The following NRG3 variants were observed in gnomAD, a reference collection of about 807,000 sequenced individuals.
The protein encoded by NRG3 is neuregulin 3.
In NRG3, 31 loss-of-function variants were observed where a neutral mutation model predicts 66.9. The ratio of observed to expected loss-of-function variants is 0.46; its 90% confidence interval spans 0.35 to 0.63. NRG3 has a LOEUF of 0.63. Ranked by LOEUF, NRG3 falls within the 20% of genes least tolerant of loss-of-function variation. The pLI is 0.00. For synonymous variants in NRG3, 393 were observed against 359.4 expected (o/e 1.09, Z -1.06); for missense variants, 910 against 878.9 (o/e 1.04, Z -0.45).
chr10:82,429,992 A>G (rs1273603307), intron 2 of NRG3, among the ~76,000 whole-genome samples: 1 of 152,112 alleles, frequency 6.6e-6, no homozygotes, highest in Non-Finnish European at 1.5e-5. Flanking sequence ...TGTTGTTACC[A>G]TGTCATTCTG....
chr10:82,689,879 A>AT (rs1337660652), intron 2 of NRG3, among the ~76,000 whole-genome samples: 2 of 152,144 alleles, frequency 1.3e-5, no homozygotes, highest in African/African-American at 4.8e-5. Context: ...TTTATTTAGT[A>AT]TTTTTTTCAT....
intron 2 of NRG3, among the ~76,000 whole-genome samples, chr10:82,523,932 C>G (rs1026654400): frequency 3.9e-5 from 6 of 151,960 alleles, no homozygotes; most frequent in Admixed American, 6.6e-5. Flanking sequence ...TCTGTTGAAC[C>G]CTTTTCATCA....
intron 2 of NRG3, among the ~76,000 whole-genome samples, chr10:82,427,553 A>G (rs865887096): frequency 5.3e-5 from 8 of 152,248 alleles, no homozygotes; most frequent in South Asian, 4.1e-4. Context: ...ATGTTGTACA[A>G]TCCTAGTTAT....
chr10:82,520,895 C>A (rs1326332909), intron 2 of NRG3, among the ~76,000 whole-genome samples: 2 of 152,146 alleles, frequency 1.3e-5, no homozygotes, highest in African/African-American at 4.8e-5. Flanking sequence ...CATTCTAATT[C>A]TCTGTCTAAA....
chr10:82,242,709 T>TG (rs989458160), intron 1 of NRG3, among the ~76,000 whole-genome samples: 1 of 151,910 alleles, frequency 6.6e-6, no homozygotes, highest in Non-Finnish European at 1.5e-5. Flanking sequence ...AGAGAGAGGG[T>TG]GGGGGTGTGA....
chr10:82,921,246 T>C (rs906174107), intron 4 of NRG3, among the ~76,000 whole-genome samples: 7 of 152,190 alleles, frequency 4.6e-5, no homozygotes, highest in African/African-American at 1.7e-4. Flanking sequence ...CAAGTCCCGA[T>C]TGAGGAACAT....
chr10:82,905,790 G>T (rs1844679211), intron 4 of NRG3, among the ~76,000 whole-genome samples: 1 of 151,948 alleles, frequency 6.6e-6, no homozygotes, highest in Non-Finnish European at 1.5e-5. Flanking sequence ...GGGCAGCTTT[G>T]TCTGAAACTT....
At chr10:82,221,011 G>T (rs960790919) in intron 1 of NRG3, among the ~76,000 whole-genome samples, 2 of 152,032 alleles carry the variant, frequency 1.3e-5, no homozygotes, top group Non-Finnish European at 1.5e-5. Context: ...CAGTTGTTCA[G>T]GATCATTAGG....
intron 3 of NRG3, among the ~76,000 whole-genome samples, chr10:82,826,447 G>C (rs1032263278): frequency 6.6e-6 from 1 of 152,306 alleles, no homozygotes. Flanking sequence ...GGAATAAAAG[G>C]CATGTAGCTT....
At chr10:82,044,835 C>G (rs541398123) in intron 1 of NRG3, among the ~76,000 whole-genome samples, 6 of 151,910 alleles carry the variant, frequency 3.9e-5, no homozygotes, top group Admixed American at 2.0e-4. Flanking sequence ...TTTGTCCTTG[C>G]GATAGTTTAC....
intron 2 of NRG3, among the ~76,000 whole-genome samples, chr10:82,605,642 G>T (rs981021904): frequency 2.6e-5 from 4 of 151,902 alleles, no homozygotes; most frequent in African/African-American, 9.7e-5. Context: ...ATATTATAGA[G>T]AATTTATGAG....
chr10:82,166,423 C>G (rs1475859218), intron 1 of NRG3, among the ~76,000 whole-genome samples: 2 of 152,076 alleles, frequency 1.3e-5, no homozygotes, highest in African/African-American at 4.8e-5. Flanking sequence ...TCATATATCT[C>G]TTTAACTATT....
At chr10:82,085,207 C>T (rs1220915715) in intron 1 of NRG3, among the ~76,000 whole-genome samples, 1 of 152,086 alleles carries the variant, frequency 6.6e-6, no homozygotes, top group Non-Finnish European at 1.5e-5. Flanking sequence ...CTCCAACTTC[C>T]TTTTGGAAAA....
chr10:82,815,489 ATTTTCTCTTCCTG>A (rs2061668598), intron 3 of NRG3, among the ~76,000 whole-genome samples: 4 of 151,994 alleles, frequency 2.6e-5, no homozygotes, highest in African/African-American at 9.7e-5. Context: ...TTCCTCAAAA[ATTTTCTCTTCCTG>A]ATCTTTCTCT....
At chr10:82,339,975 C>G (rs963842616) in intron 1 of NRG3, among the ~76,000 whole-genome samples, 11 of 152,064 alleles carry the variant, frequency 7.2e-5, no homozygotes, top group African/African-American at 2.7e-4. Context: ...TTTTAAAGTA[C>G]TTTAATATAA....
chr10:81,925,588 ATACT>A (rs1846688809), intron 1 of NRG3, among the ~76,000 whole-genome samples: 1 of 152,168 alleles, frequency 6.6e-6, no homozygotes, highest in Non-Finnish European at 1.5e-5. Flanking sequence ...TTTTAGGGAA[ATACT>A]TTCTTTTGTC....
chr10:82,655,153 A>G (rs1249859350), intron 2 of NRG3, among the ~76,000 whole-genome samples: 2 of 152,030 alleles, frequency 1.3e-5, no homozygotes, highest in African/African-American at 2.4e-5. Flanking sequence ...CGTGTTAGAA[A>G]TAGTACAGTG....
chr10:82,874,121 C>T (rs908389851), intron 4 of NRG3, among the ~76,000 whole-genome samples: 3 of 151,808 alleles, frequency 2.0e-5, no homozygotes, highest in Non-Finnish European at 4.4e-5. Flanking sequence ...TTACTTCAAA[C>T]TTGATCGTAT....
chr10:81,968,366 G>A (rs1263591172), intron 1 of NRG3, among the ~76,000 whole-genome samples: 2 of 152,154 alleles, frequency 1.3e-5, no homozygotes, highest in African/African-American at 4.8e-5. Context: ...GAAAGTGATG[G>A]GCAGAATTTG....
Sources: gnomAD v4.1 joint callset for allele counts (sites outside exome capture counted in the v4.1 genomes callset) on GRCh38, gnomAD v4.1.1 for gene constraint, MANE v1.5 for transcripts, NCBI Gene and HGNC (gene_info 2026-07-23, HGNC 2026-07-21) for gene names.